The following SLC35F1 variants were observed in gnomAD, a reference collection of about 807,000 sequenced individuals.
SLC35F1 encodes the protein solute carrier family 35 member F1.
SLC35F1 carries 14 observed loss-of-function variants against 48.7 expected under a neutral mutation model. That is an observed-to-expected ratio of 0.29 (90% CI 0.19 to 0.45). The LOEUF is 0.45. SLC35F1 is among the 20% of genes least tolerant of loss of function. The pLI is 1.00. For missense variants in SLC35F1, 404 were observed against 500.0 expected (o/e 0.81, Z 1.83); for synonymous variants, 190 against 202.2 (o/e 0.94, Z 0.51).
At chr6:118,299,551 A>G (rs1341636077) in intron 7 of SLC35F1, among the ~76,000 whole-genome samples, 1 of 152,258 alleles carries the variant, frequency 6.6e-6, no homozygotes, top group African/African-American at 2.4e-5. Flanking sequence ...ATGATATAGT[A>G]ATATACAAAT....
intron 1 of SLC35F1, among the ~76,000 whole-genome samples, chr6:118,025,399 A>G (rs940229654): frequency 6.6e-6 from 1 of 152,216 alleles, no homozygotes; most frequent in Admixed American, 6.5e-5. Context: ...CATGCTATCA[A>G]TATAACTCAT....
At chr6:118,051,882 T>C (rs1430164371) in intron 1 of SLC35F1, among the ~76,000 whole-genome samples, 3 of 152,168 alleles carry the variant, frequency 2.0e-5, no homozygotes, top group African/African-American at 4.8e-5. Flanking sequence ...TGATGCTTAA[T>C]ACAGTGCCAG....
chr6:118,140,109 G>T (rs558445735), intron 1 of SLC35F1, among the ~76,000 whole-genome samples: 2 of 152,082 alleles, frequency 1.3e-5, no homozygotes, highest in African/African-American at 2.4e-5. Flanking sequence ...CTGTGTGCCC[G>T]TGAAGAGTCT....
intron 1 of SLC35F1, among the ~76,000 whole-genome samples, chr6:118,126,171 G>T (rs972834442): frequency 6.6e-6 from 1 of 152,156 alleles, no homozygotes; most frequent in Non-Finnish European, 1.5e-5. Flanking sequence ...CCTGGACCTA[G>T]TGTCTCATCA....
At chr6:118,215,471 G>A (rs186519245) in intron 2 of SLC35F1, among the ~76,000 whole-genome samples, 1 of 152,206 alleles carries the variant, frequency 6.6e-6, no homozygotes, top group Admixed American at 6.5e-5. Context: ...CGGAGACACC[G>A]AGACAATGGT....
chr6:117,938,076 A>G (rs1170081955), intron 1 of SLC35F1, among the ~76,000 whole-genome samples: 1 of 152,166 alleles, frequency 6.6e-6, no homozygotes, highest in Non-Finnish European at 1.5e-5. Flanking sequence ...GCCTGCTGAA[A>G]TCAGGCCTTA....
chr6:118,115,359 TAAC>T (rs1285737900), intron 1 of SLC35F1, among the ~76,000 whole-genome samples: 2 of 152,192 alleles, frequency 1.3e-5, no homozygotes, highest in East Asian at 1.9e-4. Flanking sequence ...AGAAGGGAAA[TAAC>T]AATACCAGCA....
chr6:118,012,453 G>A (rs1777262797), intron 1 of SLC35F1, among the ~76,000 whole-genome samples: 1 of 152,136 alleles, frequency 6.6e-6, no homozygotes, highest in Admixed American at 6.6e-5. Context: ...TGTTTCTAGA[G>A]TTCCATACTT....
chr6:117,966,153 C>T (rs11752475), intron 1 of SLC35F1, among the ~76,000 whole-genome samples: 48,707 of 133,044 alleles, frequency 0.37, 9,551 homozygotes, highest in Admixed American at 0.42. Context: ...ACTCCCGCCC[C>T]GCCCCAAGCA....
intron 1 of SLC35F1, among the ~76,000 whole-genome samples, chr6:118,077,312 G>A (rs570157081): frequency 1.1e-4 from 17 of 152,174 alleles, no homozygotes; most frequent in Non-Finnish European, 2.2e-4. Context: ...TACACAGGCA[G>A]TAGAAGATCC....
intron 4 of SLC35F1, among the ~76,000 whole-genome samples, chr6:118,271,085 G>A (rs1775845738): frequency 6.6e-6 from 1 of 152,108 alleles, no homozygotes; most frequent in Non-Finnish European, 1.5e-5. Flanking sequence ...TTTTCAAGGA[G>A]CCAGGTAATC....
intron 3 of SLC35F1, among the ~76,000 whole-genome samples, chr6:118,259,479 A>AT: frequency 6.6e-6 from 1 of 152,200 alleles, no homozygotes; most frequent in East Asian, 1.9e-4. Context: ...ACAGGAACAA[A>AT]TAAAATCATC....
At chr6:117,995,874 T>G (rs1455990123) in intron 1 of SLC35F1, among the ~76,000 whole-genome samples, 1 of 152,244 alleles carries the variant, frequency 6.6e-6, no homozygotes, top group Non-Finnish European at 1.5e-5. Context: ...TCGTAAATCA[T>G]CATAGTATTC....
chr6:118,095,466 T>A (rs866154213), intron 1 of SLC35F1, among the ~76,000 whole-genome samples: 27 of 152,282 alleles, frequency 1.8e-4, no homozygotes, highest in South Asian at 8.3e-4. Context: ...ACAACATGCT[T>A]GACAGGATTT....
intron 1 of SLC35F1, among the ~76,000 whole-genome samples, chr6:118,049,024 C>A (rs1772343275): frequency 6.6e-6 from 1 of 152,082 alleles, no homozygotes; most frequent in African/African-American, 2.4e-5. Flanking sequence ...AGATATAGAT[C>A]AATGGAACAG....
At chr6:117,923,967 G>T (rs908403590) in intron 1 of SLC35F1, among the ~76,000 whole-genome samples, 3 of 149,942 alleles carry the variant, frequency 2.0e-5, no homozygotes, top group African/African-American at 7.4e-5. Flanking sequence ...ACATATATAG[G>T]GAATAGAATG....
chr6:118,178,584 C>T (rs1221206837), intron 2 of SLC35F1, among the ~76,000 whole-genome samples: 1 of 152,048 alleles, frequency 6.6e-6, no homozygotes, highest in South Asian at 2.1e-4. Flanking sequence ...AGCCCAGGTG[C>T]CTTTTTTATT....
intron 2 of SLC35F1, among the ~76,000 whole-genome samples, chr6:118,208,735 T>C (rs1774968164): frequency 6.6e-6 from 1 of 152,172 alleles, no homozygotes; most frequent in Non-Finnish European, 1.5e-5. Flanking sequence ...CTTTGAAGCC[T>C]TTATTTTGGG....
intron 2 of SLC35F1, among the ~76,000 whole-genome samples, chr6:118,222,193 T>G (rs1222722172): frequency 1.3e-5 from 2 of 152,170 alleles, no homozygotes; most frequent in African/African-American, 4.8e-5. Flanking sequence ...GGGCCTGAGA[T>G]TCTGCATTTT....
Sources: gnomAD v4.1 joint callset for allele counts (sites outside exome capture counted in the v4.1 genomes callset) on GRCh38, gnomAD v4.1.1 for gene constraint, MANE v1.5 for transcripts, NCBI Gene and HGNC (gene_info 2026-07-23, HGNC 2026-07-21) for gene names.